The following BST1 variants were observed in gnomAD, a reference collection of about 807,000 sequenced individuals.
BST1 encodes ADP-ribosyl cyclase/cyclic ADP-ribose hydrolase 2.
Under a neutral mutation model 40.6 loss-of-function variants are expected in BST1, and 49 were observed. The observed-to-expected ratio is 1.21, with a 90% CI of 0.96 to 1.53. BST1 has a LOEUF of 1.53. BST1 is among the 40% of genes most tolerant of loss of function. The pLI is 0.00. For missense variants in BST1, 423 were observed against 395.9 expected (o/e 1.07, Z -0.58); for synonymous variants, 157 against 159.3 (o/e 0.99, Z 0.11).
At chr4:15,703,837 T>C (rs1181115292) in intron 1 of BST1, among the ~76,000 whole-genome samples, 2 of 132,470 alleles carry the variant, frequency 1.5e-5, no homozygotes, top group African/African-American at 5.9e-5. Flanking sequence ...GGTGTCTGTA[T>C]GTGTGTTCTA....
chr4:15,730,402 T>G (rs1349677955), intron 8 of BST1, among the ~76,000 whole-genome samples: 14 of 152,232 alleles, frequency 9.2e-5, no homozygotes, highest in Admixed American at 6.5e-5. Context: ...CAGGACAGGT[T>G]TTTCTTCACC....
intron 6 of BST1, among the ~76,000 whole-genome samples, chr4:15,718,244 A>AGTGTGTGT (rs35788103): frequency 2.7e-5 from 4 of 148,946 alleles, no homozygotes; most frequent in South Asian, 2.1e-4. Context: ...ATGGCAGAGA[A>AGTGTGTGT]GTGTGTGTGT....
intron 4 of BST1, among the ~76,000 whole-genome samples, chr4:15,714,323 T>G (rs1037487785): frequency 6.6e-6 from 1 of 152,184 alleles, no homozygotes; most frequent in Non-Finnish European, 1.5e-5. Context: ...ATAAACATTT[T>G]ATGAGGGAAA....
chr4:15,708,390 G>A (rs1048261813), intron 3 of BST1, among the ~76,000 whole-genome samples: 4 of 152,154 alleles, frequency 2.6e-5, no homozygotes, highest in African/African-American at 9.7e-5. Context: ...TAGCCTCATG[G>A]GGGATATCAG....
At chr4:15,744,769 A>G in the BST1 span, among the ~76,000 whole-genome samples, 8 of 152,338 alleles carry the variant, frequency 5.3e-5, no homozygotes, top group South Asian at 1.7e-3. Context: ...GTTGCAAGCC[A>G]CTTGTTAAAA....
intron 7 of BST1, among the ~76,000 whole-genome samples, chr4:15,720,476 G>A (rs926836312): frequency 3.9e-5 from 6 of 151,990 alleles, no homozygotes; most frequent in Middle Eastern, 3.4e-3. Flanking sequence ...AATTAGCCGC[G>A]TGTGGTGACT....
At position 15,732,122 on chromosome 4, in the gene BST1, G is replaced by T; in HGVS notation, c.*277G>T. The T allele has an allele frequency of 8.6e-7, 1 of 1,161,876 alleles. No homozygotes were observed. The highest frequency in any genetic ancestry group is 2.7e-5 in the South Asian group (1 of 37,158). The allele number at this position is 1,161,876 out of a possible 1,614,324, so 72.0% of individuals were successfully genotyped here. A position where few individuals can be genotyped will look rare whatever the true frequency, so the allele number is the denominator to read the frequency against. ...CAAAGCATTGGGAGTCAGACTGCTTGTATATTATCAAACATTTTAAGAGAA... is the reference window on the plus strand; with the variant it reads ...CAAAGCATTGGGAGTCAGACTGCTTTTATATTATCAAACATTTTAAGAGAA... On this transcript the variant is annotated 3_prime_UTR_variant, in exon 9 of 9. Coordinates refer to ENST00000265016, the MANE Select transcript of BST1 (RefSeq NM_004334.3).
chr4:15,743,486 A>AG, the BST1 span: 1 of 261,426 alleles, frequency 3.8e-6, no homozygotes, highest in Non-Finnish European at 7.6e-6. Flanking sequence ...AGAAAAAAAA[A>AG]TTAAAGAACT....
downstream of BST1, among the ~76,000 whole-genome samples, chr4:15,735,896 C>CT (rs536902888): frequency 6.6e-6 from 1 of 152,066 alleles, no homozygotes; most frequent in Admixed American, 6.6e-5. Flanking sequence ...CATAACTTCA[C>CT]TTTTTTCCCG....
chr4:15,748,683 T>C, the BST1 span, among the ~76,000 whole-genome samples: 1 of 152,214 alleles, frequency 6.6e-6, no homozygotes, highest in Non-Finnish European at 1.5e-5. Context: ...GAGGGGCTCC[T>C]TCAATGTTGA....
At chr4:15,743,518 T>C in the BST1 span, 2 of 344,732 alleles carry the variant, frequency 5.8e-6, no homozygotes, top group African/African-American at 4.4e-5. Flanking sequence ...AAATCCTACC[T>C]AGAGCAGAAT....
At chr4:15,763,086 A>G in the BST1 span, among the ~76,000 whole-genome samples, 1 of 151,996 alleles carries the variant, frequency 6.6e-6, no homozygotes, top group African/African-American at 2.4e-5. Context: ...ATGTATAATA[A>G]ATGCATTTTT....
At chr4:15,760,383 G>T in the BST1 span, among the ~76,000 whole-genome samples, 1 of 151,472 alleles carries the variant, frequency 6.6e-6, no homozygotes. Flanking sequence ...ATGCCTTTAT[G>T]AACCTTCATG....
the BST1 span, chr4:15,743,313 AC>A: frequency 2.9e-6 from 1 of 341,662 alleles, no homozygotes; most frequent in Non-Finnish European, 5.7e-6. Context: ...GCTAAACAGA[AC>A]AAAAAAGCAT....
intron 3 of BST1, among the ~76,000 whole-genome samples, chr4:15,710,359 A>G (rs546678045): frequency 6.6e-6 from 1 of 152,314 alleles, no homozygotes; most frequent in South Asian, 2.1e-4. Context: ...TGTTTTATAC[A>G]TATATACATT....
the BST1 span, among the ~76,000 whole-genome samples, chr4:15,744,731 G>A: frequency 6.6e-6 from 1 of 152,150 alleles, no homozygotes; most frequent in Non-Finnish European, 1.5e-5. Context: ...CACTCAGGAG[G>A]GCTGATTGTT....
intron 8 of BST1, chr4:15,731,033 G>A (rs1249371328): frequency 8.6e-6 from 5 of 584,222 alleles, no homozygotes; most frequent in Non-Finnish European, 1.2e-5. Flanking sequence ...CAGTTTTTCT[G>A]CCAGTTTTTC....
At chr4:15,728,588 G>C (rs58967058) in intron 8 of BST1, among the ~76,000 whole-genome samples, 2 of 149,710 alleles carry the variant, frequency 1.3e-5, no homozygotes, top group African/African-American at 4.9e-5. Context: ...AAGTGGCTGA[G>C]ACTACAGGAG....
chr4:15,761,939 C>A, the BST1 span, among the ~76,000 whole-genome samples: 1 of 151,756 alleles, frequency 6.6e-6, no homozygotes, highest in Non-Finnish European at 1.5e-5. Flanking sequence ...GTGGCTCATG[C>A]CTGTAATCCC....
Sources: allele counts gnomAD v4.1 joint callset (sites outside exome capture counted in the v4.1 genomes callset), GRCh38; gene constraint gnomAD v4.1.1; transcripts MANE v1.5; gene names NCBI Gene and HGNC (gene_info 2026-07-23, HGNC 2026-07-21).